Variants in RELN observed in about 807,000 individuals in gnomAD.
The protein encoded by RELN is reelin.
A neutral mutation model predicts 427.6 loss-of-function variants in RELN; 108 were observed. That is an observed-to-expected ratio of 0.25 (90% confidence interval 0.22 to 0.30). The LOEUF (loss-of-function observed/expected upper bound fraction) is 0.30, where lower values mean the gene tolerates loss of function less well. Among genes scored for constraint, RELN ranks in the 10% least tolerant of loss-of-function variants. RELN has a pLI of 1.00. For synonymous variants in RELN, 1,524 were observed against 1,513.4 expected (o/e 1.01, Z -0.16); for missense variants, 3,715 against 4,302.8 (o/e 0.86, Z 3.82).
chr7:103,819,611 T>G (rs966355889), intron 3 of RELN, among the ~76,000 whole-genome samples: 16 of 152,146 alleles, frequency 1.1e-4, no homozygotes, highest in Non-Finnish European at 2.4e-4. Flanking sequence ...AATGAGCCAT[T>G]TAGAAATCTT....
intron 3 of RELN, among the ~76,000 whole-genome samples, chr7:103,782,440 G>T (rs1209903719): frequency 1.3e-5 from 2 of 151,976 alleles, no homozygotes; most frequent in African/African-American, 4.8e-5. Flanking sequence ...CCCTATCTGA[G>T]GATAGGGATA....
In RELN at chr7:103,594,511, T is replaced by C. The variant is rs1396832367; in HGVS notation, c.3540-19A>G. 6.2e-7 allele frequency: 1 copy of C among 1,612,518 alleles called. No individual in the cohort carries two copies. The highest frequency in any genetic ancestry group is 1.1e-5 in the South Asian group (1 of 90,910). On this transcript the variant is annotated intron_variant, in intron 25 of 64. Coordinates refer to ENST00000428762, the MANE Select transcript of RELN (RefSeq NM_005045.4). ...GACAAATCTGAATAAAAGTAAATCA[T>C]TTACGGTTGGGAAAACAAAAGCTGT... is the stretch of plus-strand genomic sequence containing the variant.
At chr7:103,585,628 T>G (rs1831252214) in intron 28 of RELN, among the ~76,000 whole-genome samples, 1 of 152,194 alleles carries the variant, frequency 6.6e-6, no homozygotes, top group Non-Finnish European at 1.5e-5. Context: ...TTTTACTAGA[T>G]GTACAAAGCA....
At chr7:103,987,074 CAAAAA>C (rs67498168) in intron 1 of RELN, among the ~76,000 whole-genome samples, 6 of 119,060 alleles carry the variant, frequency 5.0e-5, no homozygotes, top group African/African-American at 1.5e-4. Flanking sequence ...GAACATTTTA[CAAAAA>C]AAAAAAAAAA....
intron 1 of RELN, 100 bp from the exon 2 acceptor site, chr7:103,917,285 AC>A (rs1795506138): frequency 1.1e-6 from 1 of 938,812 alleles, no homozygotes; most frequent in South Asian, 1.4e-5. Flanking sequence ...TTACTCATTA[AC>A]AAATTATTTT....
At chr7:103,704,843 T>C (rs1470593815) in intron 8 of RELN, among the ~76,000 whole-genome samples, 1 of 152,180 alleles carries the variant, frequency 6.6e-6, no homozygotes, top group Non-Finnish European at 1.5e-5. Flanking sequence ...TCCAGGCTTC[T>C]ACTCTCAAGC....
At chr7:103,971,071 G>A (rs1035588362) in intron 1 of RELN, among the ~76,000 whole-genome samples, 2 of 150,832 alleles carry the variant, frequency 1.3e-5, no homozygotes, top group Middle Eastern at 3.5e-3. Context: ...AGAATCGCTC[G>A]AACCTGGGAG....
At chr7:103,585,499 C>G (rs1013388478) in intron 28 of RELN, among the ~76,000 whole-genome samples, 1 of 152,036 alleles carries the variant, frequency 6.6e-6, no homozygotes, top group Admixed American at 6.5e-5. Context: ...CAAGCATTAA[C>G]TAGGAAGAAA....
intron 21 of RELN, 130 bp from the exon 22 acceptor site, chr7:103,610,937 G>A: frequency 2.9e-6 from 2 of 690,890 alleles, no homozygotes; most frequent in Non-Finnish European, 5.3e-6. Flanking sequence ...TTTGTGATAT[G>A]GAAACAATCC....
intron 8 of RELN, among the ~76,000 whole-genome samples, chr7:103,717,305 G>A (rs1789962037): frequency 6.7e-6 from 1 of 148,906 alleles, no homozygotes; most frequent in Non-Finnish European, 1.5e-5. Flanking sequence ...AAATATTATA[G>A]ATAAATATAC....
At chr7:103,736,562 G>T (rs553211510) in intron 6 of RELN, among the ~76,000 whole-genome samples, 2 of 152,004 alleles carry the variant, frequency 1.3e-5, no homozygotes, top group East Asian at 3.9e-4. Context: ...TTTCTCTAGG[G>T]AGTTAAAAAA....
intron 2 of RELN, among the ~76,000 whole-genome samples, chr7:103,881,836 T>A (rs928158837): frequency 5.9e-5 from 9 of 152,256 alleles, no homozygotes; most frequent in African/African-American, 1.9e-4. Context: ...AGCAACAAGG[T>A]TTTGGGTGGT....
chr7:103,545,204 C>T lies in RELN; in HGVS notation c.6443G>A (p.Cys2148Tyr). 6.2e-7 allele frequency: 1 copy of T among 1,614,136 alleles called. No individual in the cohort carries two copies. Among genetic ancestry groups the T allele is most frequent in the Non-Finnish European group, 8.5e-7 (1 of 1,180,008 alleles). Residue 2148 changes from cysteine to tyrosine, a missense_variant, in exon 42 of 65, where the codon TGT becomes TAT. Physicochemically the swap from Cys to Tyr is radical, Grantham distance 194. This residue lies in a region of RELN where 1,310 missense variants were observed against 1,643.0 expected (regional missense o/e 0.80). Transcript: ENST00000428762. ...GQGSCINGTK[C>Y]ICDPGYSGPT... ...ACCTGAGTAGCCAGGGTCACATATA[C>T]ATTTGGTTCCATTGATACAGCTCCC...
At chr7:103,759,756 T>C (rs1490508758) in intron 4 of RELN, among the ~76,000 whole-genome samples, 2 of 152,114 alleles carry the variant, frequency 1.3e-5, no homozygotes, top group African/African-American at 2.4e-5. Flanking sequence ...TTTGTGAACA[T>C]TACCTTTAAT....
At chr7:103,512,648 A>G (rs760998699) in intron 50 of RELN, 3 of 152,166 alleles carry the variant, frequency 2.0e-5, no homozygotes, top group Non-Finnish European at 4.4e-5. Flanking sequence ...CACAACCCTC[A>G]CAGTTCCTTT....
intron 52 of RELN, among the ~76,000 whole-genome samples, chr7:103,502,224 A>C (rs530394576): frequency 6.6e-6 from 1 of 152,326 alleles, no homozygotes; most frequent in Non-Finnish European, 1.5e-5. Context: ...ATGTTAATTG[A>C]ATAAGCTCTT....
chr7:103,865,504 A>G (rs1010851493), intron 2 of RELN, among the ~76,000 whole-genome samples: 2 of 152,264 alleles, frequency 1.3e-5, no homozygotes, highest in Non-Finnish European at 2.9e-5. Context: ...ATCCTAAAAC[A>G]AAATGCTAAG....
chr7:103,621,867 T>C (rs560659432), intron 20 of RELN, among the ~76,000 whole-genome samples: 3 of 152,082 alleles, frequency 2.0e-5, no homozygotes, highest in South Asian at 4.1e-4. Flanking sequence ...AATACAAAAA[T>C]AAGCCATGTG....
intron 3 of RELN, among the ~76,000 whole-genome samples, chr7:103,803,473 C>T (rs1792518927): frequency 6.6e-6 from 1 of 152,052 alleles, no homozygotes; most frequent in Non-Finnish European, 1.5e-5. Flanking sequence ...CAATAAAAGA[C>T]ACCTGGCTGG....
Sources: allele counts gnomAD v4.1 joint callset (sites outside exome capture counted in the v4.1 genomes callset), GRCh38; gene constraint gnomAD v4.1.1; regional missense constraint gnomAD v4.1.1; transcripts MANE v1.5; gene names NCBI Gene and HGNC (gene_info 2026-07-23, HGNC 2026-07-21).